Variants in SLC24A1 observed in about 807,000 individuals in gnomAD.
The protein encoded by SLC24A1 is sodium/potassium/calcium exchanger 1.
SLC24A1 carries 52 observed loss-of-function variants against 88.1 expected under a neutral mutation model. The ratio of observed to expected loss-of-function variants is 0.59; its 90% CI spans 0.47 to 0.74. The LOEUF (loss-of-function observed/expected upper bound fraction) is 0.74. Ranked by LOEUF, SLC24A1 falls within the 30% of genes least tolerant of loss-of-function variation. The probability of loss-of-function intolerance (pLI) is 0.00; values close to 1 mark genes in which losing one functional copy is unlikely to be tolerated. For missense variants in SLC24A1, 1,173 were observed against 1,363.3 expected (o/e 0.86, Z 2.20); for synonymous variants, 455 against 498.0 (o/e 0.91, Z 1.15).
intron 3 of SLC24A1, among the ~76,000 whole-genome samples, chr15:65,638,934 C>A (rs2075030441): frequency 6.6e-6 from 1 of 152,144 alleles, no homozygotes; most frequent in South Asian, 2.1e-4. Flanking sequence ...GAATAAGTGT[C>A]ACATCTGTGT....
rs1284754877 is a variant in SLC24A1, at chr15:65,647,491, AAAAAAAAAG to A, written c.2232+1790_2232+1798del. On this transcript the variant is annotated intron_variant, in intron 6 of 9. Transcript: ENST00000261892. Reference sequence around the variant, plus strand: ...AGACTGTCTCAAAAAAAAAAAAAAAAAAAAAAAAGAGAGAGACAGAGAGAGAAAGAATCG... The same window carrying A: ...AGACTGTCTCAAAAAAAAAAAAAAAAAGAGAGACAGAGAGAGAAAGAATCG... Among the ~76,000 whole-genome samples the A allele has an allele frequency of 2.2e-3, 337 of 151,198 alleles. 3 individuals carry two copies. Among genetic ancestry groups the A allele is most frequent in the Middle Eastern group, 0.014 (4 of 294 alleles).
At chr15:65,642,207 T>C (rs916271986) in intron 4 of SLC24A1, among the ~76,000 whole-genome samples, 2 of 152,204 alleles carry the variant, frequency 1.3e-5, no homozygotes, top group African/African-American at 4.8e-5. Flanking sequence ...TGTGTTTTTG[T>C]ATGCTGTTTC....
chr15:65,620,049 C>CT (rs1462246880), upstream of SLC24A1, among the ~76,000 whole-genome samples: 12 of 150,420 alleles, frequency 8.0e-5, no homozygotes, highest in East Asian at 9.7e-4. Flanking sequence ...CTGGGTTATG[C>CT]TTTTTATATT....
rs2075642753 is a variant in SLC24A1 at position 65,655,268 on chromosome 15, A to G, written c.*1189A>G. The stretch of plus-strand genomic sequence containing the variant: ...ATCTGGTTTATAAAGTAAGAGATCC[A>G]GTGGGACAATGCTATTTTTGTATGC... On this transcript the variant is annotated 3_prime_UTR_variant, in exon 10 of 10. Coordinates refer to ENST00000261892, the MANE Select transcript of SLC24A1 (RefSeq NM_004727.3). 1.0e-6 allele frequency: 1 copy of G among 985,654 alleles called. No homozygotes were observed. Among genetic ancestry groups the G allele is most frequent in the Non-Finnish European group, 1.2e-6 (1 of 830,078 alleles). The allele number at this position is 985,654 out of a possible 1,614,324, so 61.1% of individuals were successfully genotyped here. A position where few individuals can be genotyped will look rare whatever the true frequency, so the allele number is the denominator to read the frequency against.
At chr15:65,629,905 CT>C (rs2074654242) in intron 2 of SLC24A1, among the ~76,000 whole-genome samples, 1 of 152,176 alleles carries the variant, frequency 6.6e-6, no homozygotes, top group African/African-American at 2.4e-5. Flanking sequence ...GAGAATACTC[CT>C]GGGGAAAAGT....
chr15:65,651,632 T>A (rs2075508923), intron 7 of SLC24A1, 38 bp from the exon 8 acceptor site: 1 of 1,111,440 alleles, frequency 9.0e-7, no homozygotes. Context: ...TTTTAACCTC[T>A]ACAGCTTACT....
downstream of SLC24A1, among the ~76,000 whole-genome samples, chr15:65,658,747 A>G (rs1045056436): frequency 2.0e-5 from 3 of 152,360 alleles, no homozygotes; most frequent in East Asian, 5.8e-4. Flanking sequence ...GAAATTAAGC[A>G]TAACTTCTAA....
chr15:65,650,749 A>T lies in SLC24A1; in HGVS notation c.2600A>T (p.Glu867Val). 1 of 1,600,934 alleles carries T rather than the reference A, an allele frequency of 6.2e-7. No individual in the cohort carries two copies. Among genetic ancestry groups the T allele is most frequent in the African/African-American group, 1.3e-5 (1 of 74,232 alleles). The change falls in exon 7 of 10, where the codon GAA (glutamate) becomes GTA (valine). Residue 867 changes from glutamate (E) to valine (V), a missense_variant. Coordinates refer to ENST00000261892, the MANE Select transcript of SLC24A1 (RefSeq NM_004727.3). This position sits in a 1 kb window ranked among gnomAD's most constrained non-coding sequence, Gnocchi z 4.1. Reference sequence around the variant, plus strand: ...AGCGAAGAGGAGGAAGAGGAGGAGGAAGAGCAGGAGGAAGAGGAGGAGGAG... The same window carrying T: ...AGCGAAGAGGAGGAAGAGGAGGAGGTAGAGCAGGAGGAAGAGGAGGAGGAG... ...GDSEEEEEEEEEQEEEEEEEE... is the reference protein window; with the variant it reads ...GDSEEEEEEEVEQEEEEEEEE...
chr15:65,648,135 C>T (rs1026377453), intron 6 of SLC24A1, among the ~76,000 whole-genome samples: 5 of 152,188 alleles, frequency 3.3e-5, no homozygotes, highest in African/African-American at 4.8e-5. Context: ...TGGCACATGC[C>T]TGTAATCCCA....
At chr15:65,652,402 T>C (rs771538220) in intron 8 of SLC24A1, 25 of 438,072 alleles carry the variant, frequency 5.7e-5, no homozygotes, top group Non-Finnish European at 9.5e-5. Context: ...GTAGGTAACT[T>C]TTAGTCCAAT....
rs1389234345 is a variant in SLC24A1, at chr15:65,647,155, G to C, written c.2232+1452G>C. Among the ~76,000 whole-genome samples the C allele has an allele frequency of 3.3e-5, 5 of 152,280 alleles. No individual in the cohort carries two copies. The East Asian group carries it at 5.8e-4, about 18-fold the overall frequency. ...CAATCCCAATCCTGCATCCACAGGA[G>C]AATCAGTGACTGGTTTCCAGTCTTA... On this transcript the variant is annotated intron_variant, in intron 6 of 9. Transcript: ENST00000261892.
At chr15:65,638,012 G>C in intron 2 of SLC24A1, 116 bp from the exon 3 acceptor site, 1 of 740,906 alleles carries the variant, frequency 1.3e-6, no homozygotes, top group Non-Finnish European at 2.4e-6. Flanking sequence ...TCTGAGACCA[G>C]GTTATCTCGG....
At chr15:65,631,478 T>C (rs1023667036) in intron 2 of SLC24A1, among the ~76,000 whole-genome samples, 3 of 152,014 alleles carry the variant, frequency 2.0e-5, no homozygotes, top group Non-Finnish European at 4.4e-5. Context: ...AGGGAGAGTG[T>C]AGGAGGTCTC....
intron 3 of SLC24A1, among the ~76,000 whole-genome samples, chr15:65,638,558 C>T (rs2075016034): frequency 6.6e-6 from 1 of 152,162 alleles, no homozygotes. Flanking sequence ...TTACCTATGG[C>T]TTTGGAATGC....
At chr15:65,660,230 C>T (rs1428614755), downstream of SLC24A1, 2 of 1,460,596 alleles carry the variant, frequency 1.4e-6, no homozygotes, top group Non-Finnish European at 1.9e-6. Context: ...AGTTCAGCCC[C>T]AAACTAACTG....
Position 65,639,587 on chromosome 15 carries a change from T to C in SLC24A1, c.1945-8T>C. ...AGGGGCCCACTGTGCGGCTCTCCTC[T>C]TGCTCAGCTCCCGTCCTTGCTGACC... On this transcript the variant is annotated splice_polypyrimidine_tract_variant and splice_region_variant and intron_variant, in intron 3 of 9. Transcript: ENST00000261892. The C allele has an allele frequency of 6.3e-7, 1 of 1,596,662 alleles. No individual in the cohort carries two copies. The highest frequency in any genetic ancestry group is 1.1e-5 in the South Asian group (1 of 87,980).
rs531301317 is a variant in SLC24A1, at chr15:65,654,535, T to C, written c.*456T>C. 1 of 1,182,974 alleles carries C rather than the reference T, an allele frequency of 8.5e-7. No homozygotes were observed. The highest frequency in any genetic ancestry group is 1.1e-6 in the Non-Finnish European group (1 of 942,692). The allele number at this position is 1,182,974 out of a possible 1,614,324, so 73.3% of individuals were successfully genotyped here. A position where few individuals can be genotyped will look rare whatever the true frequency, so the allele number is the denominator to read the frequency against. On this transcript the variant is annotated 3_prime_UTR_variant, in exon 10 of 10. Transcript: ENST00000261892. ...GCCCCAAACACACGCTGCAATTTTG[T>C]CTCCTCCTTTTCTGTTCAAATTGTG...
At chr15:65,636,888 A>AATG (rs2074957020) in intron 2 of SLC24A1, among the ~76,000 whole-genome samples, 1 of 150,462 alleles carries the variant, frequency 6.6e-6, no homozygotes, top group Non-Finnish European at 1.5e-5. Context: ...TAATAATAAT[A>AATG]ATAATAGTAA....
At chr15:65,611,401 CTGCAT>C in exon 1 of SLC24A1, 1 of 586,408 alleles carries the variant, frequency 1.7e-6, no homozygotes, top group East Asian at 2.8e-5. Flanking sequence ...CCGTGTCTCT[CTGCAT>C]TGCCCTGAAT....
Sources: gnomAD v4.1 joint callset for allele counts (sites outside exome capture counted in the v4.1 genomes callset) on GRCh38, gnomAD v4.1.1 for gene constraint, Gnocchi (gnomAD v3.1) non-coding constraint, MANE v1.5 for transcripts, NCBI Gene and HGNC (gene_info 2026-07-23, HGNC 2026-07-21) for gene names.